Variants in IER3IP1 observed in about 807,000 individuals in gnomAD.
The protein encoded by IER3IP1 is immediate early response 3-interacting protein 1.
IER3IP1 carries 16 observed loss-of-function variants against 12.2 expected under a neutral mutation model. The observed-to-expected ratio is 1.31, with a 90% CI of 0.89 to 1.99. The LOEUF is 1.99. IER3IP1 is among the 30% of genes most tolerant of loss of function. IER3IP1 has a pLI of 0.00. For synonymous variants in IER3IP1, 42 were observed against 40.0 expected, an observed-to-expected ratio of 1.05 and a Z score of -0.19; for missense variants, 95 against 95.8, an observed-to-expected ratio of 0.99 and a Z score of 0.03.
In IER3IP1 at chr18:47,153,625, ATAAG is replaced by A. The variant is rs985996273; in HGVS notation, c.*2548_*2551del. The A allele has an allele frequency of 7.9e-6, 1 of 126,012 alleles. No individual in the cohort carries two copies. Among genetic ancestry groups the A allele is most frequent in the Non-Finnish European group, 1.8e-5 (1 of 54,100 alleles). The allele number at this position is 126,012 out of a possible 1,614,324, so 7.8% of individuals were successfully genotyped here. On this transcript the variant is annotated 3_prime_UTR_variant, in exon 3 of 3. Transcript: ENST00000256433. The stretch of plus-strand genomic sequence containing the variant: ...AGGTCTTATCATTTAGCTCCCACTT[ATAAG>A]TAATAACATGTGGTATTTGGTTTTC...
intron 1 of IER3IP1, among the ~76,000 whole-genome samples, chr18:47,158,298 C>T (rs887074945): frequency 6.6e-6 from 1 of 152,112 alleles, no homozygotes; most frequent in African/African-American, 2.4e-5. Context: ...TACACAAGTA[C>T]AAGCCACTGC....
chr18:47,166,569 G>A (rs897150165), intron 1 of IER3IP1, among the ~76,000 whole-genome samples: 1 of 152,140 alleles, frequency 6.6e-6, no homozygotes, highest in Non-Finnish European at 1.5e-5. Context: ...GCACCTTATG[G>A]TAGGCTTGTA....
At chr18:47,162,009 CAA>C (rs2144428118) in intron 1 of IER3IP1, among the ~76,000 whole-genome samples, 1 of 152,204 alleles carries the variant, frequency 6.6e-6, no homozygotes, top group Admixed American at 6.5e-5. Context: ...ACTGACCTAA[CAA>C]GAGGCAGAGC....
At chr18:47,174,146 G>A (rs1262585578) in intron 1 of IER3IP1, among the ~76,000 whole-genome samples, 1 of 152,160 alleles carries the variant, frequency 6.6e-6, no homozygotes, top group Non-Finnish European at 1.5e-5. Flanking sequence ...TCTGGATAGC[G>A]GTGAACAGAT....
chr18:47,170,305 AC>A (rs1012465404), intron 1 of IER3IP1, among the ~76,000 whole-genome samples: 9 of 151,924 alleles, frequency 5.9e-5, no homozygotes, highest in African/African-American at 2.2e-4. Flanking sequence ...TGATTATTGG[AC>A]CTTTGCACTA....
At chr18:47,158,796 A>C (rs935729955) in intron 1 of IER3IP1, among the ~76,000 whole-genome samples, 1 of 151,816 alleles carries the variant, frequency 6.6e-6, no homozygotes, top group Non-Finnish European at 1.5e-5. Context: ...CCCTGTCTCT[A>C]CTAAAAATAC....
chr18:47,158,817 C>T (rs910344002), intron 1 of IER3IP1, among the ~76,000 whole-genome samples: 2 of 151,666 alleles, frequency 1.3e-5, no homozygotes, highest in East Asian at 2.0e-4. Context: ...AAAAATTAGC[C>T]AGGTGTGATG....
rs377075827 is a variant in IER3IP1, at chr18:47,176,331, G to T, written c.-54C>A. The T allele has an allele frequency of 2.7e-6, 4 of 1,491,886 alleles. No homozygotes were observed. Among genetic ancestry groups the T allele is most frequent in the African/African-American group, 1.4e-5 (1 of 72,428 alleles). 92.4% of individuals were successfully genotyped at this position (1,491,886 alleles called of 1,614,324 possible). ...GCGATTTCTCTCCCGCCGCCGCAAGGGACGTGGCGCCTCCACGGCCGGCGC... is the reference window on the plus strand; with the variant it reads ...GCGATTTCTCTCCCGCCGCCGCAAGTGACGTGGCGCCTCCACGGCCGGCGC... On this transcript the variant is annotated 5_prime_UTR_variant, in exon 1 of 3. Transcript: ENST00000256433.
chr18:47,156,058 C>A lies in IER3IP1; in HGVS notation c.*119G>T. ...ATAGAAACCCTGGTTTTATTTTCAG[C>A]TTTACATTTTTGACAAGTGCAAGGT... On this transcript the variant is annotated 3_prime_UTR_variant, in exon 3 of 3. Transcript: ENST00000256433. The A allele has an allele frequency of 4.3e-6, 3 of 691,388 alleles. No individual in the cohort carries two copies. The highest frequency in any genetic ancestry group is 7.7e-6 in the Non-Finnish European group (3 of 388,242). 42.8% of individuals were successfully genotyped at this position (691,388 alleles called of 1,614,324 possible). A position where few individuals can be genotyped will look rare whatever the true frequency, so the allele number is the denominator to read the frequency against.
At chr18:47,165,723 C>T (rs1255999507) in intron 1 of IER3IP1, among the ~76,000 whole-genome samples, 4 of 152,124 alleles carry the variant, frequency 2.6e-5, no homozygotes, top group Non-Finnish European at 4.4e-5. Context: ...GGTCTAGAGC[C>T]ATCATTTATT....
At chr18:47,170,148 T>C (rs1255067010) in intron 1 of IER3IP1, among the ~76,000 whole-genome samples, 8 of 152,132 alleles carry the variant, frequency 5.3e-5, no homozygotes, top group Non-Finnish European at 1.2e-4. Context: ...TTTATATGGC[T>C]ATTCAGTTAT....
chr18:47,157,862 A>T (rs2144423653), intron 1 of IER3IP1, among the ~76,000 whole-genome samples: 1 of 152,302 alleles, frequency 6.6e-6, no homozygotes, highest in African/African-American at 2.4e-5. Flanking sequence ...AATACTTCTC[A>T]AGTCACAACT....
Position 47,153,978 on chromosome 18 carries a change from TAA to T in IER3IP1, c.*2197_*2198del, listed in dbSNP as rs1194930353. 2.6e-5 allele frequency: 4 copies of T among 152,218 alleles called. No individual in the cohort carries two copies. The highest frequency in any genetic ancestry group is 5.9e-5 in the Non-Finnish European group (4 of 68,052). 9.4% of individuals were successfully genotyped at this position (152,218 alleles called of 1,614,324 possible). On this transcript the variant is annotated 3_prime_UTR_variant, in exon 3 of 3. Transcript: ENST00000256433. ...GAAAATCTGGTTCTGCTGTTAACTA[TAA>T]AAGTTTGAAAACCACTGTACTTGAT...
At chr18:47,167,907 T>C (rs1599999582) in intron 1 of IER3IP1, among the ~76,000 whole-genome samples, 1 of 151,834 alleles carries the variant, frequency 6.6e-6, no homozygotes. Context: ...GTGGATCACC[T>C]GAGGTCAGGA....
intron 1 of IER3IP1, among the ~76,000 whole-genome samples, chr18:47,162,996 T>C (rs2063984557): frequency 6.6e-6 from 1 of 152,102 alleles, no homozygotes; most frequent in African/African-American, 2.4e-5. Flanking sequence ...GTTTGAGAAG[T>C]ATGTGTACAG....
At position 47,155,400 on chromosome 18, in the gene IER3IP1, G is replaced by A. The variant is rs2063954861; in HGVS notation, c.*777C>T. 1 of 151,924 alleles carries A rather than the reference G, an allele frequency of 6.6e-6. No homozygotes were observed. Among genetic ancestry groups the A allele is most frequent in the Non-Finnish European group, 1.5e-5 (1 of 67,988 alleles). 9.4% of individuals were successfully genotyped at this position (151,924 alleles called of 1,614,324 possible). On this transcript the variant is annotated 3_prime_UTR_variant, in exon 3 of 3. Transcript: ENST00000256433. ...AGTACAGTGTAATTGTGATTGTTTA[G>A]GACTGCTCTTGTGGGCTAATATTTA...
At chr18:47,168,301 C>CAAAAAAAAAAAAAAAAAAAAAAA (rs35347851) in intron 1 of IER3IP1, among the ~76,000 whole-genome samples, 1 of 107,166 alleles carries the variant, frequency 9.3e-6, no homozygotes, top group African/African-American at 3.8e-5. Context: ...GACTCCATCA[C>CAAAAAAAAAAAAAAAAAAAAAAA]AAAAAAAAAA....
intron 2 of IER3IP1, chr18:47,157,011 C>CAA (rs975552424): frequency 5.5e-6 from 1 of 181,210 alleles, no homozygotes; most frequent in Non-Finnish European, 1.1e-5. Context: ...AGGCTGGTCT[C>CAA]AAACTCCTGA....
intron 1 of IER3IP1, among the ~76,000 whole-genome samples, chr18:47,169,026 A>G (rs975919401): frequency 6.6e-6 from 1 of 152,180 alleles, no homozygotes; most frequent in African/African-American, 2.4e-5. Context: ...ATTTTAGAGT[A>G]TTTTTACCAC....
Sources: gnomAD v4.1 joint callset for allele counts (sites outside exome capture counted in the v4.1 genomes callset) on GRCh38, gnomAD v4.1.1 for gene constraint, MANE v1.5 for transcripts, NCBI Gene and HGNC (gene_info 2026-07-23, HGNC 2026-07-21) for gene names.